Variants in SGCD observed in about 807,000 individuals in gnomAD.
SGCD encodes sarcoglycan delta.
A neutral mutation model predicts 36.6 loss-of-function variants in SGCD; 18 were observed. That is an observed-to-expected ratio of 0.49 (90% CI 0.34 to 0.73). The LOEUF (loss-of-function observed/expected upper bound fraction) is 0.73, where lower values mean the gene tolerates loss of function less well. Ranked by LOEUF, SGCD falls within the 30% of genes least tolerant of loss-of-function variation. The pLI, the probability that SGCD is intolerant of heterozygous loss-of-function variation, is 0.01. For synonymous variants in SGCD, 133 were observed against 130.6 expected (o/e 1.02, Z -0.12); for missense variants, 387 against 346.7 (o/e 1.12, Z -0.92).
chr5:155,955,230 C>T lies in SGCD; in HGVS notation c.-282+84806C>T, dbSNP rs766506763. ...TCAAATGTCTAGGCACCATGTGGCCCGGTCAAATTGACACACAAAATTAAC... is the reference window on the plus strand; with the variant it reads ...TCAAATGTCTAGGCACCATGTGGCCTGGTCAAATTGACACACAAAATTAAC... On this transcript the variant is annotated intron_variant, in intron 1 of 9. Transcript: ENST00000517913. 3.2e-4 allele frequency among the ~76,000 whole-genome samples: 49 copies of T among 152,108 alleles called. 1 individual carries two copies. The highest frequency in any genetic ancestry group is 8.2e-4 in the African/African-American group (34 of 41,510).
intron 3 of SGCD, among the ~76,000 whole-genome samples, chr5:156,230,745 G>A (rs757585676): frequency 7.2e-5 from 11 of 152,044 alleles, no homozygotes; most frequent in African/African-American, 1.4e-4. Context: ...TCTGCTTCCC[G>A]TCCATCATGA....
chr5:156,111,712 T>C (rs1003270068), intron 1 of SGCD, among the ~76,000 whole-genome samples: 2 of 152,024 alleles, frequency 1.3e-5, no homozygotes, highest in Non-Finnish European at 2.9e-5. Context: ...TATGTGCACA[T>C]GGATTGTGGA....
chr5:156,612,192 T>C (rs905900513), intron 6 of SGCD, among the ~76,000 whole-genome samples: 3 of 152,254 alleles, frequency 2.0e-5, no homozygotes, highest in African/African-American at 7.2e-5. Context: ...GGAATAGTCA[T>C]CCTTTTCAAT....
At position 156,766,259 on chromosome 5, in the gene SGCD, GGAA is replaced by G. The variant is rs1303565855; in HGVS notation, c.*6871_*6873del. 1 of 152,000 alleles carries G rather than the reference GGAA, an allele frequency of 6.6e-6. No individual in the cohort carries two copies. Among genetic ancestry groups the G allele is most frequent in the African/African-American group, 2.4e-5 (1 of 41,356 alleles). 9.4% of individuals were successfully genotyped at this position (152,000 alleles called of 1,614,324 possible). A position where few individuals can be genotyped will look rare whatever the true frequency, so the allele number is the denominator to read the frequency against. The stretch of plus-strand genomic sequence containing the variant: ...TACCTTTACTTGTGGCAAAACTCAA[GGAA>G]GCGATCAAATAGAGGGAAGCTCATT... On this transcript the variant is annotated 3_prime_UTR_variant, in exon 9 of 9. Transcript: ENST00000337851.
intron 2 of SGCD, among the ~76,000 whole-genome samples, chr5:156,332,541 T>C (rs1222845615): frequency 6.6e-6 from 1 of 152,208 alleles, no homozygotes; most frequent in Non-Finnish European, 1.5e-5. Flanking sequence ...GTTATTTGAG[T>C]GACCATGTTC....
At chr5:155,809,571 A>G in the SGCD span, among the ~76,000 whole-genome samples, 1 of 152,296 alleles carries the variant, frequency 6.6e-6, no homozygotes, top group Admixed American at 6.5e-5. Flanking sequence ...AGATTGACAA[A>G]CAGAGAGAAA....
chr5:156,372,119 G>A (rs1770416953), intron 3 of SGCD, among the ~76,000 whole-genome samples: 1 of 152,160 alleles, frequency 6.6e-6, no homozygotes, highest in African/African-American at 2.4e-5. Context: ...ATTGACAGTG[G>A]TGAATTTGCA....
chr5:156,103,242 TC>T (rs1761563818), intron 1 of SGCD, among the ~76,000 whole-genome samples: 1 of 152,124 alleles, frequency 6.6e-6, no homozygotes, highest in Non-Finnish European at 1.5e-5. Flanking sequence ...CCACTACTAC[TC>T]CAGACTTCAT....
the SGCD span, among the ~76,000 whole-genome samples, chr5:155,792,785 T>A: frequency 6.6e-6 from 1 of 152,166 alleles, no homozygotes; most frequent in Admixed American, 6.5e-5. Context: ...GAAAAGGGAA[T>A]GCTTATACAT....
At chr5:156,025,381 AG>A (rs747523431) in intron 1 of SGCD, among the ~76,000 whole-genome samples, 8 of 152,216 alleles carry the variant, frequency 5.3e-5, no homozygotes, top group Non-Finnish European at 1.2e-4. Context: ...TGCCCAGGAA[AG>A]GTATGAAAAC....
At chr5:156,071,531 G>A (rs1205420128) in intron 1 of SGCD, among the ~76,000 whole-genome samples, 1 of 152,168 alleles carries the variant, frequency 6.6e-6, no homozygotes, top group Non-Finnish European at 1.5e-5. Context: ...TACATTTGCT[G>A]AGGAGAGCTT....
chr5:156,434,139 A>C (rs1039026616), intron 3 of SGCD, among the ~76,000 whole-genome samples: 3 of 152,258 alleles, frequency 2.0e-5, no homozygotes, highest in African/African-American at 7.2e-5. Context: ...GAAGGTGTGC[A>C]TCTCTAGCTG....
chr5:156,211,373 C>T (rs181165800), intron 3 of SGCD, among the ~76,000 whole-genome samples: 2,930 of 152,058 alleles, frequency 0.019, 46 homozygotes, highest in Non-Finnish European at 0.03. Context: ...TTTGGGAGGC[C>T]GAGGGGGGCG....
chr5:156,372,130 G>T (rs1770417699), intron 3 of SGCD, among the ~76,000 whole-genome samples: 1 of 152,162 alleles, frequency 6.6e-6, no homozygotes, highest in South Asian at 2.1e-4. Flanking sequence ...TGAATTTGCA[G>T]TTTCTACCAG....
In SGCD at chr5:155,997,648, A is replaced by G. The variant is rs58964913; in HGVS notation, c.-281-120230A>G. On this transcript the variant is annotated intron_variant, in intron 1 of 9. Coordinates refer to the SGCD transcript ENST00000517913. ...CTTCCAGCCCCACAGGCAATTGTATACATTTCACAGAGAAGTCTGAACATA... is the reference window on the plus strand; with the variant it reads ...CTTCCAGCCCCACAGGCAATTGTATGCATTTCACAGAGAAGTCTGAACATA... Among the ~76,000 whole-genome samples the G allele has an allele frequency of 1.9e-3, 297 of 152,386 alleles. 2 individuals carry two copies. Among genetic ancestry groups the G allele is most frequent in the African/African-American group, 6.7e-3 (277 of 41,588 alleles).
intron 3 of SGCD, among the ~76,000 whole-genome samples, chr5:156,169,852 G>A (rs1763300001): frequency 6.6e-6 from 1 of 152,098 alleles, no homozygotes. Flanking sequence ...AGGGGGAGTT[G>A]GTGGGTTAGT....
chr5:156,448,699 T>G (rs1045561927), intron 3 of SGCD, among the ~76,000 whole-genome samples: 1 of 151,398 alleles, frequency 6.6e-6, no homozygotes, highest in Non-Finnish European at 1.5e-5. Context: ...CATGGGTTGC[T>G]TAAAGGGTGG....
At chr5:156,708,291 A>T (rs1754829639) in intron 7 of SGCD, among the ~76,000 whole-genome samples, 1 of 144,414 alleles carries the variant, frequency 6.9e-6, no homozygotes, top group Admixed American at 7.0e-5. Context: ...AAAAAAAAAA[A>T]AAAAGGAAAT....
At chr5:156,369,528 A>G (rs1770276767) in intron 3 of SGCD, among the ~76,000 whole-genome samples, 1 of 152,196 alleles carries the variant, frequency 6.6e-6, no homozygotes, top group South Asian at 2.1e-4. Flanking sequence ...GTTGCTGTTA[A>G]TTTGAAAGCC....
Sources: gnomAD v4.1 joint callset for allele counts (sites outside exome capture counted in the v4.1 genomes callset) on GRCh38, gnomAD v4.1.1 for gene constraint, MANE v1.5 for transcripts, NCBI Gene and HGNC (gene_info 2026-07-23, HGNC 2026-07-21) for gene names.